Variants in AKAP6 observed in about 807,000 individuals in gnomAD.
The protein encoded by AKAP6 is A-kinase anchoring protein 6, also known as A-kinase anchor protein 6.
In AKAP6, 58 loss-of-function variants were observed where a neutral mutation model predicts 188.5. The ratio of observed to expected loss-of-function variants is 0.31; its 90% CI spans 0.25 to 0.38. AKAP6 has a LOEUF of 0.38. AKAP6 is among the 10% of genes least tolerant of loss of function. The probability of loss-of-function intolerance (pLI) is 1.00; values close to 1 mark genes in which losing one functional copy is unlikely to be tolerated. For synonymous variants in AKAP6, 989 were observed against 998.6 expected (o/e 0.99, Z 0.18); for missense variants, 2,710 against 2,740.0 (o/e 0.99, Z 0.24).
intron 1 of AKAP6, among the ~76,000 whole-genome samples, chr14:32,430,432 T>C (rs1287485755): frequency 6.6e-6 from 1 of 152,202 alleles, no homozygotes; most frequent in African/African-American, 2.4e-5. Flanking sequence ...TAGTGTGTTT[T>C]TTAGTTTACG....
chr14:32,664,002 T>G (rs558201324), intron 7 of AKAP6, among the ~76,000 whole-genome samples: 1 of 152,142 alleles, frequency 6.6e-6, no homozygotes, highest in South Asian at 2.1e-4. Context: ...GGAAGAGTTT[T>G]CACTCTAGCC....
At chr14:32,454,713 CTCCTTCTCTCCT>C (rs1566512196) in intron 2 of AKAP6, among the ~76,000 whole-genome samples, 9 of 39,692 alleles carry the variant, frequency 2.3e-4, no homozygotes, top group East Asian at 1.9e-3. Flanking sequence ...CCCTCCTTCC[CTCCTTCTCTCCT>C]TCCCTCCTTC....
At chr14:32,543,174 A>G (rs1287931211) in intron 3 of AKAP6, among the ~76,000 whole-genome samples, 1 of 152,188 alleles carries the variant, frequency 6.6e-6, no homozygotes, top group African/African-American at 2.4e-5. Context: ...TTTTGTATCC[A>G]TTAACCAGCC....
At chr14:32,697,232 A>G (rs1740252167) in intron 9 of AKAP6, among the ~76,000 whole-genome samples, 1 of 152,136 alleles carries the variant, frequency 6.6e-6, no homozygotes, top group African/African-American at 2.4e-5. Context: ...GTTGACTTTA[A>G]TTAGTGTCCC....
At chr14:32,792,819 G>A (rs1212520335) in intron 12 of AKAP6, among the ~76,000 whole-genome samples, 5 of 152,130 alleles carry the variant, frequency 3.3e-5, no homozygotes, top group Non-Finnish European at 7.4e-5. Flanking sequence ...AGTGTTTTTA[G>A]CATGAAGTAG....
At chr14:32,755,134 T>G (rs2032283331) in intron 11 of AKAP6, among the ~76,000 whole-genome samples, 1 of 152,250 alleles carries the variant, frequency 6.6e-6, no homozygotes, top group African/African-American at 2.4e-5. Flanking sequence ...TTCATATGCA[T>G]GCATTGGTTC....
At chr14:32,815,837 G>C (rs1021848171) in intron 12 of AKAP6, among the ~76,000 whole-genome samples, 2 of 152,112 alleles carry the variant, frequency 1.3e-5, no homozygotes, top group Non-Finnish European at 1.5e-5. Flanking sequence ...GCTCCCAACA[G>C]TCTATAAGGC....
rs147937508 is a variant in AKAP6, at chr14:32,788,201, G to A, written c.3588+14308G>A. On this transcript the variant is annotated intron_variant, in intron 12 of 13. Coordinates refer to ENST00000280979, the MANE Select transcript of AKAP6 (RefSeq NM_004274.5). Reference sequence around the variant, plus strand: ...TTTCAAGAAAGCTGGGAATTTTCTTGAGTATTATAATACAATATGGTGATT... The same window carrying A: ...TTTCAAGAAAGCTGGGAATTTTCTTAAGTATTATAATACAATATGGTGATT... Among the ~76,000 whole-genome samples, 240 of 152,196 alleles carry A rather than the reference G, an allele frequency of 1.6e-3. 1 individual carries two copies. Among genetic ancestry groups the A allele is most frequent in the African/African-American group, 5.3e-3 (222 of 41,532 alleles).
At chr14:32,440,765 G>A (rs1296724820) in intron 2 of AKAP6, among the ~76,000 whole-genome samples, 1 of 152,152 alleles carries the variant, frequency 6.6e-6, no homozygotes, top group Non-Finnish European at 1.5e-5. Context: ...TCTGAAAATT[G>A]GAAGATGAGG....
intron 5 of AKAP6, among the ~76,000 whole-genome samples, chr14:32,595,580 C>T (rs1403044207): frequency 6.6e-6 from 1 of 152,102 alleles, no homozygotes; most frequent in Non-Finnish European, 1.5e-5. Context: ...ATGATCATAG[C>T]TCACTGTAAC....
intron 1 of AKAP6, among the ~76,000 whole-genome samples, chr14:32,400,255 G>A (rs1200810239): frequency 6.6e-6 from 1 of 151,008 alleles, no homozygotes; most frequent in African/African-American, 2.4e-5. Flanking sequence ...CAGTCCACCT[G>A]TTTTCAGAGG....
intron 12 of AKAP6, among the ~76,000 whole-genome samples, chr14:32,790,345 A>G (rs1048873967): frequency 3.3e-5 from 5 of 152,192 alleles, no homozygotes; most frequent in African/African-American, 4.8e-5. Context: ...AGACAGGTCA[A>G]TGTTCAAATT....
chr14:32,721,796 A>G (rs1368221521), intron 9 of AKAP6, among the ~76,000 whole-genome samples: 1 of 152,162 alleles, frequency 6.6e-6, no homozygotes. Context: ...ACCTGGGATA[A>G]TGTAATTGTT....
At chr14:32,662,087 A>C (rs1051101074) in intron 7 of AKAP6, among the ~76,000 whole-genome samples, 4 of 152,144 alleles carry the variant, frequency 2.6e-5, no homozygotes, top group South Asian at 2.1e-4. Context: ...GTTAATTTGC[A>C]TACTCTTGCA....
chr14:32,605,228 T>C (rs1886085097), intron 7 of AKAP6, among the ~76,000 whole-genome samples: 1 of 152,156 alleles, frequency 6.6e-6, no homozygotes, highest in Non-Finnish European at 1.5e-5. Context: ...GTGCTATAAA[T>C]ACACTGAGAA....
At chr14:32,667,960 A>G (rs1889021630) in intron 7 of AKAP6, among the ~76,000 whole-genome samples, 1 of 152,264 alleles carries the variant, frequency 6.6e-6, no homozygotes, top group Admixed American at 6.5e-5. Context: ...TGCCAGTTCT[A>G]CAGGGCAAGA....
intron 12 of AKAP6, among the ~76,000 whole-genome samples, chr14:32,783,700 A>G (rs968787058): frequency 7.9e-5 from 12 of 152,154 alleles, no homozygotes; most frequent in African/African-American, 2.4e-4. Context: ...CTTAATAACC[A>G]TATAATTTAC....
intron 3 of AKAP6, among the ~76,000 whole-genome samples, chr14:32,540,192 A>ATATATATATATATATATATATTTTTT (rs1406480125): frequency 8.1e-6 from 1 of 123,422 alleles, no homozygotes. Flanking sequence ...ATATATATAT[A>ATATATATATATATATATATATTTTTT]TTTTAATTTT....
At chr14:32,737,203 T>C (rs1449115305) in intron 11 of AKAP6, among the ~76,000 whole-genome samples, 1 of 152,140 alleles carries the variant, frequency 6.6e-6, no homozygotes, top group African/African-American at 2.4e-5. Flanking sequence ...AAAGTTGACC[T>C]TGAGGAGTTT....
Sources: allele counts gnomAD v4.1 joint callset (sites outside exome capture counted in the v4.1 genomes callset), GRCh38; gene constraint gnomAD v4.1.1; transcripts MANE v1.5; gene names NCBI Gene and HGNC (gene_info 2026-07-23, HGNC 2026-07-21).